SCYL2: variants seen among roughly 807,000 people sequenced by gnomAD.
SCYL2 encodes SCY1-like protein 2.
SCYL2 carries 36 observed loss-of-function variants against 100.4 expected under a neutral mutation model. The observed-to-expected ratio is 0.36, with a 90% CI of 0.27 to 0.47. The LOEUF (loss-of-function observed/expected upper bound fraction) is 0.47, where lower values mean the gene tolerates loss of function less well. Among genes scored for constraint, SCYL2 ranks in the 20% least tolerant of loss-of-function variants. The probability of loss-of-function intolerance (pLI) is 1.00; values close to 1 mark genes in which losing one functional copy is unlikely to be tolerated. For synonymous variants in SCYL2, 330 were observed against 359.2 expected, an observed-to-expected ratio of 0.92 and a Z score of 0.92; for missense variants, 902 against 1,083.9, an observed-to-expected ratio of 0.83 and a Z score of 2.36.
At chr12:100,337,050 GT>G (rs1164113473) in intron 16 of SCYL2, among the ~76,000 whole-genome samples, 1 of 152,032 alleles carries the variant, frequency 6.6e-6, no homozygotes, top group Non-Finnish European at 1.5e-5. Context: ...TATTCTTGGG[GT>G]GAGATAGATT....
At chr12:100,337,621 T>TA (rs1952295728) in intron 17 of SCYL2, 115 bp downstream of exon 17, 1 of 1,022,758 alleles carries the variant, frequency 9.8e-7, no homozygotes, top group Non-Finnish European at 1.5e-6. Context: ...AATACCTTAA[T>TA]ATGTGGTTTC....
chr12:100,274,014 A>G (rs2096290161), intron 1 of SCYL2, among the ~76,000 whole-genome samples: 1 of 152,248 alleles, frequency 6.6e-6, no homozygotes, highest in Non-Finnish European at 1.5e-5. Flanking sequence ...CATAGAGAAC[A>G]ACTTGGCATA....
chr12:100,322,261 T>G lies in SCYL2; in HGVS notation c.1396-1264T>G, dbSNP rs12579364. On this transcript the variant is annotated intron_variant, in intron 10 of 17. Coordinates refer to ENST00000360820, the MANE Select transcript of SCYL2 (RefSeq NM_017988.6). ...GGTGGCGGGCGCCTGTAGTCCCAGC[T>G]ACGCGGGAGGCTGAGGCAGGAGAAT... is the stretch of plus-strand genomic sequence containing the variant. 2.1e-3 allele frequency among the ~76,000 whole-genome samples: 304 copies of G among 146,458 alleles called. 5 individuals are homozygous for G. The East Asian group carries it at 0.036, about 17-fold the overall frequency.
At chr12:100,292,323 T>C (rs1338881397) in intron 3 of SCYL2, among the ~76,000 whole-genome samples, 1 of 152,212 alleles carries the variant, frequency 6.6e-6, no homozygotes, top group African/African-American at 2.4e-5. Flanking sequence ...TCCCCTCTCT[T>C]AATTCAGAAA....
intron 1 of SCYL2, among the ~76,000 whole-genome samples, chr12:100,270,489 C>CTA (rs942622762): frequency 9.2e-5 from 14 of 152,070 alleles, no homozygotes; most frequent in African/African-American, 3.1e-4. Context: ...GTTGTAAAAA[C>CTA]TATAGTTCAC....
At chr12:100,335,295 C>T (rs1017166344) in intron 14 of SCYL2, among the ~76,000 whole-genome samples, 2 of 152,062 alleles carry the variant, frequency 1.3e-5, no homozygotes, top group Admixed American at 1.3e-4. Flanking sequence ...AGACTCAGAA[C>T]TTAATCACAT....
rs1952325663 is a variant in SCYL2, at chr12:100,339,437, G to A, written c.*265G>A. ...CCCTTCCCAATCTCAAAGAGAAAAA[G>A]GAAACTGAGTTATCTTGAATAACAT... On this transcript the variant is annotated 3_prime_UTR_variant, in exon 18 of 18. Transcript: ENST00000360820. 2 of 408,234 alleles carry A rather than the reference G, an allele frequency of 4.9e-6. No homozygotes were observed. The highest frequency in any genetic ancestry group is 4.1e-5 in the African/African-American group (2 of 48,602). 25.3% of individuals were successfully genotyped at this position (408,234 alleles called of 1,614,324 possible). A position where few individuals can be genotyped will look rare whatever the true frequency, so the allele number is the denominator to read the frequency against.
At chr12:100,318,628 G>T (rs896762638) in intron 10 of SCYL2, among the ~76,000 whole-genome samples, 1 of 152,118 alleles carries the variant, frequency 6.6e-6, no homozygotes, top group African/African-American at 2.4e-5. Context: ...CATTGGGCGT[G>T]GCCACGTGTG....
rs774395237 is a variant in SCYL2, at chr12:100,314,591, A to G, written c.1072A>G (p.Lys358Glu). Reference sequence around the variant, plus strand: ...ATCACAGTTTTTCAAAGGACTGCCAAAGGTTCTACCAAAACTGCCCAAGGT... The same window carrying G: ...ATCACAGTTTTTCAAAGGACTGCCAGAGGTTCTACCAAAACTGCCCAAGGT... The part of the protein sequence containing the change: ...QKSQFFKGLP[K>E]VLPKLPKRVI... The change falls in exon 8 of 18, where the codon AAG (lysine) becomes GAG (glutamate). Residue 358 changes from lysine to glutamate, a missense_variant. Coordinates refer to ENST00000360820, the MANE Select transcript of SCYL2 (RefSeq NM_017988.6). 36 of 1,600,716 alleles carry G rather than the reference A, an allele frequency of 2.2e-5. No individual in the cohort carries two copies. Among genetic ancestry groups the G allele is most frequent in the Non-Finnish European group, 2.9e-5 (34 of 1,176,252 alleles).
Position 100,339,238 on chromosome 12 carries a change from T to C in SCYL2, c.*66T>C. 1 of 1,485,726 alleles carries C rather than the reference T, an allele frequency of 6.7e-7. No homozygotes were observed. Among genetic ancestry groups the C allele is most frequent in the Non-Finnish European group, 9.1e-7 (1 of 1,099,140 alleles). The allele number at this position is 1,485,726 out of a possible 1,614,324, so 92.0% of individuals were successfully genotyped here. A position where few individuals can be genotyped will look rare whatever the true frequency, so the allele number is the denominator to read the frequency against. On this transcript the variant is annotated 3_prime_UTR_variant, in exon 18 of 18. Coordinates refer to ENST00000360820, the MANE Select transcript of SCYL2 (RefSeq NM_017988.6). ...TCATGGGTGAGCTGATTTACATCTT[T>C]ATATAGTTGGCTTGGAGGAAGTACT...
intron 4 of SCYL2, among the ~76,000 whole-genome samples, chr12:100,310,670 G>A (rs2096341147): frequency 6.6e-6 from 1 of 152,192 alleles, no homozygotes; most frequent in Non-Finnish European, 1.5e-5. Flanking sequence ...TGAAGTGTAT[G>A]TATATAAAAA....
At chr12:100,328,520 C>G (rs1000667141) in intron 12 of SCYL2, among the ~76,000 whole-genome samples, 3 of 152,180 alleles carry the variant, frequency 2.0e-5, no homozygotes, top group South Asian at 2.1e-4. Context: ...GTATATAAGT[C>G]ATGTGCACAT....
chr12:100,332,038 G>T (rs1045235061), intron 13 of SCYL2, among the ~76,000 whole-genome samples: 2 of 152,106 alleles, frequency 1.3e-5, no homozygotes, highest in Non-Finnish European at 2.9e-5. Context: ...CTCTACTATG[G>T]TGAAAAGATA....
At chr12:100,276,770 C>G (rs1425802571) in intron 1 of SCYL2, among the ~76,000 whole-genome samples, 2 of 151,830 alleles carry the variant, frequency 1.3e-5, no homozygotes, top group African/African-American at 4.8e-5. Context: ...TAAATTCAGT[C>G]TCTTTCATTG....
chr12:100,294,759 C>T, intron 3 of SCYL2, among the ~76,000 whole-genome samples: 1 of 146,880 alleles, frequency 6.8e-6, no homozygotes, highest in Admixed American at 6.7e-5. Context: ...GACCCCCCCA[C>T]CTCCCTCCCG....
intron 1 of SCYL2, among the ~76,000 whole-genome samples, chr12:100,273,209 TTTC>T (rs2096289332): frequency 6.6e-6 from 1 of 152,140 alleles, no homozygotes; most frequent in Admixed American, 6.6e-5. Flanking sequence ...TTTGCCATAC[TTTC>T]TTCTTTTTCT....
chr12:100,310,814 T>C (rs1038353632), intron 4 of SCYL2, among the ~76,000 whole-genome samples: 11 of 152,174 alleles, frequency 7.2e-5, no homozygotes, highest in African/African-American at 2.7e-4. Flanking sequence ...AGGAACTTAA[T>C]AAATAGGTGT....
intron 10 of SCYL2, among the ~76,000 whole-genome samples, chr12:100,321,060 A>G (rs1185271541): frequency 6.6e-6 from 1 of 152,128 alleles, no homozygotes; most frequent in Non-Finnish European, 1.5e-5. Flanking sequence ...CTCAGCCTCC[A>G]TAGTAGCAGG....
chr12:100,281,694 C>T (rs992543731), intron 1 of SCYL2, among the ~76,000 whole-genome samples: 2 of 151,970 alleles, frequency 1.3e-5, no homozygotes, highest in Non-Finnish European at 2.9e-5. Context: ...ATTAGCCGGG[C>T]GTGGTAGCGG....
Sources: allele counts gnomAD v4.1 joint callset (sites outside exome capture counted in the v4.1 genomes callset), GRCh38; gene constraint gnomAD v4.1.1; transcripts MANE v1.5; gene names NCBI Gene and HGNC (gene_info 2026-07-23, HGNC 2026-07-21).